The following NCOA6 variants were observed in gnomAD, a reference collection of about 807,000 sequenced individuals.
The protein encoded by NCOA6 is NRC RAP250.
In NCOA6, 49 loss-of-function variants were observed where a neutral mutation model predicts 171.4. The observed-to-expected ratio is 0.29, with a 90% CI of 0.23 to 0.36. The LOEUF is 0.36. Ranked by LOEUF, NCOA6 falls within the 10% of genes least tolerant of loss-of-function variation. NCOA6 has a pLI of 1.00. For synonymous variants in NCOA6, 910 were observed against 927.5 expected, an observed-to-expected ratio of 0.98 and a Z score of 0.34; for missense variants, 2,248 against 2,554.5, an observed-to-expected ratio of 0.88 and a Z score of 2.59.
At chr20:34,823,624 C>G (rs991346039) in intron 1 of NCOA6, among the ~76,000 whole-genome samples, 2 of 152,034 alleles carry the variant, frequency 1.3e-5, no homozygotes, top group African/African-American at 4.8e-5. Context: ...CTCTGGGTGT[C>G]TACAATTTTT....
intron 2 of NCOA6, among the ~76,000 whole-genome samples, chr20:34,791,377 T>C (rs2077878307): frequency 6.6e-6 from 1 of 152,234 alleles, no homozygotes; most frequent in East Asian, 1.9e-4. Flanking sequence ...GGAGCAGCAG[T>C]CTTTGTCAGT....
intron 1 of NCOA6, among the ~76,000 whole-genome samples, chr20:34,823,091 T>C (rs1473368586): frequency 2.0e-5 from 3 of 152,258 alleles, no homozygotes; most frequent in African/African-American, 4.8e-5. Flanking sequence ...ATTAGATTTG[T>C]ATATTTTGGA....
intron 4 of NCOA6, 90 bp downstream of exon 4, chr20:34,776,203 G>A: frequency 6.8e-7 from 1 of 1,476,272 alleles, no homozygotes; most frequent in South Asian, 1.3e-5. Context: ...CACAAGAGCA[G>A]AGGAACAGAC....
chr20:34,736,830 C>T lies in NCOA6; in HGVS notation c.5894-72G>A. 2.2e-6 allele frequency: 3 copies of T among 1,356,096 alleles called. No individual in the cohort carries two copies. In the South Asian group the frequency reaches 4.1e-5, roughly 19 times the overall value. The allele number at this position is 1,356,096 out of a possible 1,614,324, so 84.0% of individuals were successfully genotyped here. On this transcript the variant is annotated intron_variant, in intron 11 of 14. Coordinates refer to ENST00000359003, the MANE Select transcript of NCOA6 (RefSeq NM_014071.5). ...AACAAAAAGAAAGCATTAACCTAAT[C>T]AAGGGCTAAGTAACTGCTGAAACAA...
rs1217719678 is a variant in NCOA6, at chr20:34,738,341, T to C, written c.5894-1583A>G. On this transcript the variant is annotated intron_variant, in intron 11 of 14. Coordinates refer to ENST00000359003, the MANE Select transcript of NCOA6 (RefSeq NM_014071.5). ...CTGGTTCATCTCCTCAAGGCCCACATATTTCTCTAGTATAATATATGATCC... is the reference window on the plus strand; with the variant it reads ...CTGGTTCATCTCCTCAAGGCCCACACATTTCTCTAGTATAATATATGATCC... Among the ~76,000 whole-genome samples the C allele has an allele frequency of 4.6e-5, 7 of 152,346 alleles. No homozygotes were observed. In the South Asian group the frequency reaches 1.5e-3, roughly 32 times the overall value.
intron 1 of NCOA6, among the ~76,000 whole-genome samples, chr20:34,816,116 TA>T (rs1235672034): frequency 2.6e-5 from 4 of 152,214 alleles, no homozygotes; most frequent in African/African-American, 9.7e-5. Context: ...AAATATTCCT[TA>T]CATTTTCCTA....
intron 9 of NCOA6, among the ~76,000 whole-genome samples, chr20:34,747,585 G>C (rs1311813152): frequency 6.6e-6 from 1 of 152,132 alleles, no homozygotes. Context: ...AACAAGACTG[G>C]TCACGGGCCT....
At chr20:34,782,531 G>A (rs2077541141) in intron 2 of NCOA6, 127 bp from the exon 3 acceptor site, 2 of 268,806 alleles carry the variant, frequency 7.4e-6, no homozygotes, top group Non-Finnish European at 1.4e-5. Flanking sequence ...AGAAATTACA[G>A]AGAAGATAAG....
intron 4 of NCOA6, among the ~76,000 whole-genome samples, chr20:34,769,517 C>A (rs1417097225): frequency 4.0e-5 from 6 of 151,876 alleles, no homozygotes; most frequent in Admixed American, 3.3e-4. Flanking sequence ...GCGCCCACCA[C>A]CACGCCCAGC....
intron 8 of NCOA6, among the ~76,000 whole-genome samples, chr20:34,752,354 T>C (rs1377679499): frequency 1.3e-5 from 2 of 152,222 alleles, no homozygotes; most frequent in Non-Finnish European, 2.9e-5. Flanking sequence ...TATGCTTGTA[T>C]ACAATAAATA....
At chr20:34,799,512 CAA>C (rs1443674516) in intron 1 of NCOA6, among the ~76,000 whole-genome samples, 2 of 152,054 alleles carry the variant, frequency 1.3e-5, no homozygotes, top group South Asian at 2.1e-4. Flanking sequence ...CAGTTTAACC[CAA>C]AGAGTACTAC....
At chr20:34,790,171 G>A (rs112382712) in intron 2 of NCOA6, among the ~76,000 whole-genome samples, 17 of 151,670 alleles carry the variant, frequency 1.1e-4, no homozygotes, top group Admixed American at 8.5e-4. Context: ...CCATTAACAG[G>A]TGAATGGATA....
intron 1 of NCOA6, chr20:34,821,220 C>G (rs1048826604): frequency 1.3e-5 from 2 of 152,194 alleles, no homozygotes; most frequent in African/African-American, 2.4e-5. Context: ...TGACACAACA[C>G]ATCTCTGTCA....
At chr20:34,778,534 T>C (rs977200255) in intron 3 of NCOA6, among the ~76,000 whole-genome samples, 7 of 151,420 alleles carry the variant, frequency 4.6e-5, no homozygotes, top group African/African-American at 7.3e-5. Flanking sequence ...TTCAAGCAAT[T>C]CTCCTGCCTC....
In NCOA6 at chr20:34,742,030, C is replaced by G. The variant is rs191687637; in HGVS notation, c.4226G>C (p.Gly1409Ala). The G allele has an allele frequency of 3.5e-5, 56 of 1,614,052 alleles. No homozygotes were observed. In the South Asian group the frequency reaches 6.0e-4, roughly 17 times the overall value. The change falls in exon 11 of 15, where the codon GGG (glycine) becomes GCG (alanine). Residue 1409 changes from glycine to alanine, a missense_variant. By Grantham distance (60) the Gly-to-Ala change is moderately conservative. Around this residue, in one of 7 missense-constraint regions of NCOA6, gnomAD observed 884 missense variants for 941.9 expected, o/e 0.94. Coordinates refer to ENST00000359003, the MANE Select transcript of NCOA6 (RefSeq NM_014071.5). ...QNSTVSVAAV[G>A]GVVEDNKESL... ...CTCCTTGTTATCCTCAACAACACCC[C>G]CAACTGCAGCCACAGACACAGTAGA...
intron 1 of NCOA6, among the ~76,000 whole-genome samples, chr20:34,815,299 C>T (rs562172374): frequency 6.6e-6 from 1 of 151,780 alleles, no homozygotes; most frequent in Non-Finnish European, 1.5e-5. Flanking sequence ...ATCGCTTGAG[C>T]CTGGGAGGTT....
chr20:34,736,323 C>T (rs761638210), intron 12 of NCOA6, among the ~76,000 whole-genome samples: 25 of 152,186 alleles, frequency 1.6e-4, no homozygotes, highest in Admixed American at 3.9e-4. Context: ...TAATGCTTGC[C>T]AGCCCAGTAA....
At chr20:34,733,694 T>C (rs1275631900) in intron 12 of NCOA6, among the ~76,000 whole-genome samples, 1 of 151,334 alleles carries the variant, frequency 6.6e-6, no homozygotes, top group Non-Finnish European at 1.5e-5. Flanking sequence ...TGTAAGGAGG[T>C]TGGACTACTC....
chr20:34,787,081 G>C (rs1358031315), intron 2 of NCOA6, among the ~76,000 whole-genome samples: 6 of 150,680 alleles, frequency 4.0e-5, no homozygotes. Flanking sequence ...TCTGACAAAG[G>C]TCTAATATCC....
Sources: gnomAD v4.1 joint callset for allele counts (sites outside exome capture counted in the v4.1 genomes callset) on GRCh38, gnomAD v4.1.1 for gene constraint, gnomAD v4.1.1 regional missense constraint, MANE v1.5 for transcripts, NCBI Gene and HGNC (gene_info 2026-07-23, HGNC 2026-07-21) for gene names.